Variants in PDCD6 observed in about 807,000 individuals in gnomAD.
PDCD6 encodes the protein programmed cell death protein 6.
In PDCD6, 12 loss-of-function variants were observed where a neutral mutation model predicts 28.3. That is an observed-to-expected ratio of 0.42 (90% confidence interval 0.27 to 0.69). The LOEUF (loss-of-function observed/expected upper bound fraction) is 0.69, where lower values mean the gene tolerates loss of function less well. Among genes scored for constraint, PDCD6 ranks in the 30% least tolerant of loss-of-function variants. The pLI, the probability that PDCD6 is intolerant of heterozygous loss-of-function variation, is 0.22. For synonymous variants in PDCD6, 92 were observed against 108.0 expected, an observed-to-expected ratio of 0.85 and a Z score of 0.92; for missense variants, 226 against 269.9, an observed-to-expected ratio of 0.84 and a Z score of 1.14.
In PDCD6 at chr5:271,668, T is replaced by C; in HGVS notation, c.-53T>C. ...GGCAGAGGCGGAAGCGGAGTCGGCC[T>C]GAGAGGTCTCTCGTCGCTGCAGGCG... On this transcript the variant is annotated 5_prime_UTR_variant, in exon 1 of 6. Coordinates refer to ENST00000264933, the MANE Select transcript of PDCD6 (RefSeq NM_013232.4). 1 of 1,066,914 alleles carries C rather than the reference T, an allele frequency of 9.4e-7. No individual in the cohort carries two copies. The highest frequency in any genetic ancestry group is 1.6e-5 in the African/African-American group (1 of 62,474). 66.1% of individuals were successfully genotyped at this position (1,066,914 alleles called of 1,614,324 possible).
At chr5:293,178 G>T (rs1739415185) in intron 2 of PDCD6, among the ~76,000 whole-genome samples, 1 of 152,202 alleles carries the variant, frequency 6.6e-6, no homozygotes. Flanking sequence ...CCCCCTGATG[G>T]ACCAGGACAG....
intron 2 of PDCD6, among the ~76,000 whole-genome samples, chr5:291,449 C>G (rs1171850938): frequency 1.3e-5 from 2 of 149,672 alleles, no homozygotes; most frequent in African/African-American, 4.9e-5. Context: ...TGCCTGAGAC[C>G]CACCCACACT....
rs1489485852 is a variant in PDCD6, at chr5:307,689, C to G, written c.367+929C>G. Among the ~76,000 whole-genome samples, 7 of 152,170 alleles carry G rather than the reference C, an allele frequency of 4.6e-5. No individual in the cohort carries two copies. The highest frequency in any genetic ancestry group is 4.6e-4 in the Admixed American group (7 of 15,284). On this transcript the variant is annotated intron_variant, in intron 4 of 5. Coordinates refer to ENST00000264933, the MANE Select transcript of PDCD6 (RefSeq NM_013232.4). The surrounding 1 kb of genome is among the most constrained non-coding windows in gnomAD (Gnocchi z 6.1). The stretch of plus-strand genomic sequence containing the variant: ...TCTGGCCCCTGTTGTGAAGCCGCTT[C>G]CGTGATTTGCTTAAAAGGCTCCTTA...
rs188294933 is a variant in PDCD6 at position 281,002 on chromosome 5, C to T, written c.163+8230C>T. Among the ~76,000 whole-genome samples the T allele has an allele frequency of 3.9e-5, 6 of 152,338 alleles. No individual in the cohort carries two copies. The East Asian group carries it at 5.8e-4, about 15-fold the overall frequency. ...ATCTCAACAAAGTAAATTCATAGTT[C>T]GAATTTTCATAAGACTTCTGCACAG... On this transcript the variant is annotated intron_variant, in intron 2 of 5. Transcript: ENST00000264933.
Position 314,522 on chromosome 5 carries a change from C to G in PDCD6, c.*7C>G. 1 of 1,599,256 alleles carries G rather than the reference C, an allele frequency of 6.3e-7. No individual in the cohort carries two copies. The highest frequency in any genetic ancestry group is 8.6e-7 in the Non-Finnish European group (1 of 1,166,724). On this transcript the variant is annotated 3_prime_UTR_variant, in exon 6 of 6. Coordinates refer to ENST00000264933, the MANE Select transcript of PDCD6 (RefSeq NM_013232.4). ...GGTCTTCAGTATCGTATGACCCTGGCCTCTCGTGAAGAGCAGCACAACATG... is the reference window on the plus strand; with the variant it reads ...GGTCTTCAGTATCGTATGACCCTGGGCTCTCGTGAAGAGCAGCACAACATG...
Position 294,220 on chromosome 5 carries a change from T to C in PDCD6, c.164-9957T>C, listed in dbSNP as rs1239158569. On this transcript the variant is annotated intron_variant, in intron 2 of 5. Coordinates refer to ENST00000264933, the MANE Select transcript of PDCD6 (RefSeq NM_013232.4). ...TTAAATTGTCATAAATTTAAAATTA[T>C]AATGCTATAAAGCAATATAAAAATC... is the stretch of plus-strand genomic sequence containing the variant. Among the ~76,000 whole-genome samples, 5 of 150,904 alleles carry C rather than the reference T, an allele frequency of 3.3e-5. No homozygotes were observed. The East Asian group carries it at 5.8e-4, about 17-fold the overall frequency.
intron 2 of PDCD6, among the ~76,000 whole-genome samples, chr5:273,644 G>A (rs956746958): frequency 1.3e-4 from 20 of 152,192 alleles, no homozygotes; most frequent in East Asian, 3.9e-4. Context: ...CTGAACTGGG[G>A]CGCGGGGAGC....
At chr5:301,370 G>A (rs1159006235) in intron 2 of PDCD6, among the ~76,000 whole-genome samples, 1 of 152,212 alleles carries the variant, frequency 6.6e-6, no homozygotes, top group Admixed American at 6.5e-5. Flanking sequence ...GTGAGGCAGG[G>A]ATGCTCCTTG....
chr5:295,939 T>C (rs896621820), intron 2 of PDCD6, among the ~76,000 whole-genome samples: 12 of 151,662 alleles, frequency 7.9e-5, no homozygotes, highest in Non-Finnish European at 7.4e-5. Flanking sequence ...AAACAGGAAT[T>C]AGGGAGAGTG....
chr5:283,883 G>T (rs376722262), intron 2 of PDCD6, among the ~76,000 whole-genome samples: 4 of 152,138 alleles, frequency 2.6e-5, no homozygotes, highest in African/African-American at 9.7e-5. Context: ...AAGACTCGGG[G>T]AGGAGCTGAT....
intron 5 of PDCD6, chr5:313,746 G>A (rs757199341): frequency 7.8e-5 from 12 of 153,658 alleles, no homozygotes; most frequent in Middle Eastern, 1.0e-3. Flanking sequence ...TGCGAACACG[G>A]CTCACTGCAG....
In PDCD6 at chr5:314,560, A is replaced by G; in HGVS notation, c.*45A>G. The G allele has an allele frequency of 2.3e-6, 3 of 1,313,392 alleles. No individual in the cohort carries two copies. The South Asian group carries it at 3.5e-5, about 16-fold the overall frequency. 81.4% of individuals were successfully genotyped at this position (1,313,392 alleles called of 1,614,324 possible). ...GCAGCACAACATGGAAAGAGCCAAA[A>G]TGTCACAGTTCCTATCTGTGAGGGA... On this transcript the variant is annotated 3_prime_UTR_variant, in exon 6 of 6. Coordinates refer to ENST00000264933, the MANE Select transcript of PDCD6 (RefSeq NM_013232.4).
intron 2 of PDCD6, among the ~76,000 whole-genome samples, chr5:286,249 T>G (rs1393212283): frequency 6.6e-6 from 1 of 151,412 alleles, no homozygotes; most frequent in Non-Finnish European, 1.5e-5. Flanking sequence ...GAGCTGATGT[T>G]CTAGTTTGAG....
chr5:290,184 G>A (rs528549258), intron 2 of PDCD6: 31 of 1,589,418 alleles, frequency 2.0e-5, no homozygotes, highest in East Asian at 6.7e-5. Context: ...AAATAAAATA[G>A]CCTTTAAATT....
chr5:301,210 G>A (rs190855600), intron 2 of PDCD6, among the ~76,000 whole-genome samples: 3 of 152,182 alleles, frequency 2.0e-5, no homozygotes, highest in South Asian at 4.1e-4. Context: ...CTCATGGCAT[G>A]AAGACAGAGG....
At chr5:285,846 G>C (rs1490510416) in intron 2 of PDCD6, among the ~76,000 whole-genome samples, 5 of 152,050 alleles carry the variant, frequency 3.3e-5, no homozygotes, top group Non-Finnish European at 7.4e-5. Context: ...TGATGTTCCA[G>C]TTTGAGGGCC....
At chr5:276,971 G>T in intron 2 of PDCD6, 2 of 982,868 alleles carry the variant, frequency 2.0e-6, no homozygotes, top group Non-Finnish European at 2.4e-6. Context: ...CGGGTGTTTG[G>T]GGTTTTTTTA....
chr5:289,290 G>GA (rs1739173728), intron 2 of PDCD6: 3 of 537,296 alleles, frequency 5.6e-6, no homozygotes, highest in African/African-American at 1.9e-5. Flanking sequence ...ACAGGTGGGA[G>GA]AAAAGCCCAA....
intron 5 of PDCD6, 113 bp from the exon 6 acceptor site, chr5:314,301 TCAG>T: frequency 4.3e-6 from 3 of 696,904 alleles, no homozygotes; most frequent in Admixed American, 4.7e-5. Flanking sequence ...CTGGGCTCCA[TCAG>T]GGAGCCCAGA....
Sources: allele counts gnomAD v4.1 joint callset (sites outside exome capture counted in the v4.1 genomes callset), GRCh38; gene constraint gnomAD v4.1.1; non-coding constraint Gnocchi (gnomAD v3.1); transcripts MANE v1.5; gene names NCBI Gene and HGNC (gene_info 2026-07-23, HGNC 2026-07-21).